The following MXI1 variants were observed in gnomAD, a reference collection of about 807,000 sequenced individuals.
MXI1 encodes max-interacting protein 1.
Under a neutral mutation model 36.9 loss-of-function variants are expected in MXI1, and 18 were observed. The observed-to-expected ratio is 0.49, with a 90% confidence interval of 0.34 to 0.72. The LOEUF (loss-of-function observed/expected upper bound fraction) is 0.72, where lower values mean the gene tolerates loss of function less well. MXI1 is among the 30% of genes least tolerant of loss of function. The pLI is 0.01. For missense variants in MXI1, 304 were observed against 379.1 expected (o/e 0.80, Z 1.64); for synonymous variants, 160 against 146.7 (o/e 1.09, Z -0.65).
chr10:110,283,380 C>A (rs1305067948), intron 5 of MXI1, among the ~76,000 whole-genome samples: 1 of 151,680 alleles, frequency 6.6e-6, no homozygotes, highest in Non-Finnish European at 1.5e-5. Context: ...TCTGCTGCGT[C>A]AGCCTCCCAA....
chr10:110,219,856 A>G (rs1854755344), intron 1 of MXI1, among the ~76,000 whole-genome samples: 2 of 152,228 alleles, frequency 1.3e-5, no homozygotes, highest in African/African-American at 4.8e-5. Context: ...TTCTGTCTTT[A>G]TCTTTCTGAC....
intron 1 of MXI1, among the ~76,000 whole-genome samples, chr10:110,221,848 G>A (rs1259242711): frequency 6.6e-6 from 1 of 152,034 alleles, no homozygotes; most frequent in Non-Finnish European, 1.5e-5. Flanking sequence ...TCCCCAGCTC[G>A]GGCAGCACCT....
chr10:110,237,099 A>C (rs536954411), intron 2 of MXI1, among the ~76,000 whole-genome samples: 27 of 152,332 alleles, frequency 1.8e-4, no homozygotes, highest in Non-Finnish European at 3.5e-4. Context: ...TAATTGTTCT[A>C]ATAGTCTGTA....
intron 1 of MXI1, among the ~76,000 whole-genome samples, chr10:110,209,872 C>T (rs1002248427): frequency 6.6e-6 from 1 of 152,076 alleles, no homozygotes; most frequent in African/African-American, 2.4e-5. Context: ...ACTAGGGGTA[C>T]ACCCCATGAG....
At chr10:110,280,979 G>C (rs571428547) in intron 5 of MXI1, among the ~76,000 whole-genome samples, 1 of 152,184 alleles carries the variant, frequency 6.6e-6, no homozygotes, top group Non-Finnish European at 1.5e-5. Flanking sequence ...CTGGTGATTT[G>C]AAGTCTTACA....
intron 1 of MXI1, among the ~76,000 whole-genome samples, chr10:110,225,774 A>AG (rs1365615976): frequency 1.3e-5 from 2 of 152,332 alleles, no homozygotes; most frequent in East Asian, 3.9e-4. Context: ...GCAACTTCTT[A>AG]GTCTTCCCTA....
chr10:110,267,435 G>C (rs1157745145), intron 3 of MXI1, among the ~76,000 whole-genome samples: 1 of 152,064 alleles, frequency 6.6e-6, no homozygotes, highest in Non-Finnish European at 1.5e-5. Flanking sequence ...TTTGGCATTT[G>C]GACCATTGAT....
intron 1 of MXI1, among the ~76,000 whole-genome samples, chr10:110,212,492 C>T (rs534586691): frequency 3.3e-5 from 5 of 152,320 alleles, no homozygotes; most frequent in Admixed American, 3.3e-4. Flanking sequence ...CCTACCTTCT[C>T]TTCAAGACTT....
chr10:110,217,261 A>C (rs966967404), intron 1 of MXI1, among the ~76,000 whole-genome samples: 14 of 152,192 alleles, frequency 9.2e-5, no homozygotes, highest in African/African-American at 2.4e-5. Context: ...CACTGTCCGG[A>C]GGGAGAGGGA....
chr10:110,215,045 T>TG (rs1241352150), intron 1 of MXI1, among the ~76,000 whole-genome samples: 12 of 119,008 alleles, frequency 1.0e-4, no homozygotes, highest in Admixed American at 5.1e-4. Flanking sequence ...TTTTTTTTGT[T>TG]TTTTTTTTTT....
chr10:110,235,665 G>T (rs1253505635), intron 2 of MXI1, among the ~76,000 whole-genome samples: 1 of 150,538 alleles, frequency 6.6e-6, no homozygotes, highest in Non-Finnish European at 1.5e-5. Context: ...TCCAGCCTGG[G>T]TGACAGAGCA....
rs557909933 is a variant in MXI1, at chr10:110,270,450, T to C, written c.438-8730T>C. Among the ~76,000 whole-genome samples, 70 of 152,220 alleles carry C rather than the reference T, an allele frequency of 4.6e-4. No homozygotes were observed. The South Asian group carries it at 7.1e-3, about 15-fold the overall frequency. On this transcript the variant is annotated intron_variant, in intron 3 of 5. Coordinates refer to ENST00000332674, the MANE Select transcript of MXI1 (RefSeq NM_130439.3). ...AACAAGATTTAATTATTTTTTTTTT[T>C]TTCAAATGAGGCTGTCAAAAATGAA... is the stretch of plus-strand genomic sequence containing the variant.
At chr10:110,208,266 A>C (rs1854412793) in intron 1 of MXI1, 184 bp downstream of exon 1, 16 of 545,734 alleles carry the variant, frequency 2.9e-5, no homozygotes, top group East Asian at 4.5e-5. Context: ...AGATGTAACA[A>C]AGACGGGCGA....
chr10:110,261,110 T>C, intron 3 of MXI1: 1 of 985,204 alleles, frequency 1.0e-6, no homozygotes, highest in Non-Finnish European at 1.2e-6. Context: ...TCTAAAATAT[T>C]TGTCTATAAA....
At chr10:110,268,440 G>A (rs1856753477) in intron 3 of MXI1, among the ~76,000 whole-genome samples, 1 of 152,170 alleles carries the variant, frequency 6.6e-6, no homozygotes, top group Non-Finnish European at 1.5e-5. Context: ...GTCACACAGT[G>A]TAATGTTGCA....
At chr10:110,283,395 C>T (rs1857328433) in intron 5 of MXI1, among the ~76,000 whole-genome samples, 1 of 151,996 alleles carries the variant, frequency 6.6e-6, no homozygotes, top group Admixed American at 6.6e-5. Flanking sequence ...TCCCAAGTAG[C>T]TGGGACTATA....
Position 110,286,177 on chromosome 10 carries a change from G to A in MXI1, c.*1190G>A, listed in dbSNP as rs1857421869. ...TATCTATAGTAGACACACTATCATA[G>A]TTAACATAGTAAGTTCAGCACTTGT... is the stretch of plus-strand genomic sequence containing the variant. On this transcript the variant is annotated 3_prime_UTR_variant, in exon 6 of 6. Coordinates refer to ENST00000332674, the MANE Select transcript of MXI1 (RefSeq NM_130439.3). The A allele has an allele frequency of 3.5e-5, 2 of 57,816 alleles. No homozygotes were observed. 3.6% of individuals were successfully genotyped at this position (57,816 alleles called of 1,614,324 possible).
intron 1 of MXI1, chr10:110,226,416 G>T (rs1181070195): frequency 9.2e-6 from 10 of 1,087,282 alleles, no homozygotes; most frequent in Non-Finnish European, 9.1e-6. Flanking sequence ...GAGGGGAGGG[G>T]TGTGCGCGCG....
intron 3 of MXI1, among the ~76,000 whole-genome samples, chr10:110,246,566 C>T (rs990407017): frequency 6.6e-6 from 1 of 152,134 alleles, no homozygotes; most frequent in Non-Finnish European, 1.5e-5. Flanking sequence ...GTGTTCTTGT[C>T]TCTTATTGTA....
Sources: allele counts gnomAD v4.1 joint callset (sites outside exome capture counted in the v4.1 genomes callset), GRCh38; gene constraint gnomAD v4.1.1; transcripts MANE v1.5; gene names NCBI Gene and HGNC (gene_info 2026-07-23, HGNC 2026-07-21).